RSBN1L: variants seen among roughly 807,000 people sequenced by gnomAD.
RSBN1L encodes lysine-specific demethylase RSBN1L.
A neutral mutation model predicts 67.7 loss-of-function variants in RSBN1L; 30 were observed. That is an observed-to-expected ratio of 0.44 (90% CI 0.33 to 0.60). The LOEUF (loss-of-function observed/expected upper bound fraction) is 0.60, where lower values mean the gene tolerates loss of function less well. Among genes scored for constraint, RSBN1L ranks in the 20% least tolerant of loss-of-function variants. RSBN1L has a pLI of 0.02. For synonymous variants in RSBN1L, 433 were observed against 387.0 expected (o/e 1.12, Z -1.39); for missense variants, 992 against 1,031.7 (o/e 0.96, Z 0.53).
intron 3 of RSBN1L, among the ~76,000 whole-genome samples, chr7:77,754,552 T>C (rs1028760848): frequency 1.3e-5 from 2 of 152,230 alleles, no homozygotes; most frequent in Non-Finnish European, 2.9e-5. Context: ...TTTGAGAACA[T>C]GGAAGTTTTC....
intron 1 of RSBN1L, among the ~76,000 whole-genome samples, chr7:77,727,953 G>GT (rs758726443): frequency 3.7e-4 from 57 of 152,070 alleles, no homozygotes; most frequent in Admixed American, 6.6e-4. Flanking sequence ...ATTTACTTAT[G>GT]TATCCATTGC....
chr7:77,768,190 GT>G (rs1194809677), intron 4 of RSBN1L, among the ~76,000 whole-genome samples: 1 of 152,014 alleles, frequency 6.6e-6, no homozygotes, highest in African/African-American at 2.4e-5. Context: ...TTAGTCTCTG[GT>G]TTAAGCCAAC....
At chr7:77,729,679 G>GC (rs1308278176) in intron 1 of RSBN1L, among the ~76,000 whole-genome samples, 1 of 152,190 alleles carries the variant, frequency 6.6e-6, no homozygotes, top group Non-Finnish European at 1.5e-5. Flanking sequence ...TAGGCTGGGT[G>GC]CAGTGGCTCA....
At chr7:77,705,398 A>G (rs1049511838) in intron 1 of RSBN1L, among the ~76,000 whole-genome samples, 5 of 151,434 alleles carry the variant, frequency 3.3e-5, no homozygotes, top group Non-Finnish European at 7.4e-5. Context: ...TTTCCTAGGT[A>G]CTCATATTAC....
At position 77,715,899 on chromosome 7, in the gene RSBN1L, A is replaced by G. The variant is rs150080609; in HGVS notation, c.586+18844A>G. Among the ~76,000 whole-genome samples the G allele has an allele frequency of 7.9e-5, 12 of 152,220 alleles. No individual in the cohort carries two copies. The East Asian group carries it at 2.1e-3, about 27-fold the overall frequency. On this transcript the variant is annotated intron_variant, in intron 1 of 7. Transcript: ENST00000334955. ...TTTCATGTACTTATTTTCTATATAT[A>G]TCTCTTTGATGAGTTGTCTGTTCAA...
rs1035009094 is a variant in RSBN1L, at chr7:77,770,608, G to C, written c.1625+1805G>C. 2.0e-5 allele frequency among the ~76,000 whole-genome samples: 3 copies of C among 151,934 alleles called. No individual in the cohort carries two copies. In the South Asian group the frequency reaches 6.2e-4, roughly 32 times the overall value. On this transcript the variant is annotated intron_variant, in intron 5 of 7. Coordinates refer to ENST00000334955, the MANE Select transcript of RSBN1L (RefSeq NM_198467.3). The stretch of plus-strand genomic sequence containing the variant: ...TGAGTCAAGGGCTGCTTGAGCCCAG[G>C]AGTTTGAGGCTGCAGTAAGCTATGA...
At chr7:77,705,902 CTTTT>C (rs1406393957) in intron 1 of RSBN1L, among the ~76,000 whole-genome samples, 2 of 151,638 alleles carry the variant, frequency 1.3e-5, no homozygotes, top group African/African-American at 4.8e-5. Flanking sequence ...ATAACATTTT[CTTTT>C]TTGTTTTTTT....
intron 1 of RSBN1L, among the ~76,000 whole-genome samples, chr7:77,729,384 A>G (rs1791246444): frequency 6.6e-6 from 1 of 152,326 alleles, no homozygotes. Flanking sequence ...CATGACTTTA[A>G]TAATAGTGGA....
chr7:77,769,369 A>G (rs911497118), intron 5 of RSBN1L, among the ~76,000 whole-genome samples: 1 of 152,228 alleles, frequency 6.6e-6, no homozygotes, highest in Non-Finnish European at 1.5e-5. Flanking sequence ...AGATCTAAGT[A>G]TATTGGGAAC....
At chr7:77,713,506 G>A (rs1230138849) in intron 1 of RSBN1L, among the ~76,000 whole-genome samples, 4 of 151,778 alleles carry the variant, frequency 2.6e-5, no homozygotes, top group Non-Finnish European at 2.9e-5. Flanking sequence ...ACAGGCGCCC[G>A]CCACCATGCC....
chr7:77,700,582 ACTCTC>A (rs1293353943), intron 1 of RSBN1L, among the ~76,000 whole-genome samples: 1 of 151,590 alleles, frequency 6.6e-6, no homozygotes, highest in Non-Finnish European at 1.5e-5. Context: ...TTCTAACTAC[ACTCTC>A]CTCCAGTATT....
At position 77,781,239 on chromosome 7, in the gene RSBN1L, C is replaced by A. The variant is rs1791993872; in HGVS notation, c.*2071C>A. 1 of 152,192 alleles carries A rather than the reference C, an allele frequency of 6.6e-6. No homozygotes were observed. The allele number at this position is 152,192 out of a possible 1,614,324, so 9.4% of individuals were successfully genotyped here. Reference sequence around the variant, plus strand: ...TCAGTGTTTGCAACGTAGGAAGTTTCATGGGATAGGGAAGGTATAAATCAA... The same window carrying A: ...TCAGTGTTTGCAACGTAGGAAGTTTAATGGGATAGGGAAGGTATAAATCAA... On this transcript the variant is annotated 3_prime_UTR_variant, in exon 8 of 8. Transcript: ENST00000334955.
intron 2 of RSBN1L, among the ~76,000 whole-genome samples, chr7:77,738,870 C>T (rs1791370299): frequency 1.3e-5 from 2 of 151,950 alleles, no homozygotes; most frequent in African/African-American, 4.8e-5. Flanking sequence ...ACCCAGGAGG[C>T]GGAGGTTGCG....
chr7:77,724,610 G>T (rs568270221), intron 1 of RSBN1L, among the ~76,000 whole-genome samples: 94 of 151,546 alleles, frequency 6.2e-4, no homozygotes, highest in African/African-American at 2.2e-3. Context: ...ATTTTTAGTA[G>T]AGATGGGGTT....
At chr7:77,768,510 A>T (rs1469227346) in intron 4 of RSBN1L, 151 bp from the exon 5 acceptor site, 2 of 664,134 alleles carry the variant, frequency 3.0e-6, no homozygotes, top group African/African-American at 3.6e-5. Flanking sequence ...ATATCAATAT[A>T]TAGGGATATA....
chr7:77,740,246 C>T (rs1029979138), intron 2 of RSBN1L, among the ~76,000 whole-genome samples: 18 of 152,204 alleles, frequency 1.2e-4, no homozygotes, highest in African/African-American at 3.9e-4. Flanking sequence ...TAAAGTTCAC[C>T]AACTGCTTTT....
intron 1 of RSBN1L, among the ~76,000 whole-genome samples, chr7:77,699,221 C>T (rs1158884828): frequency 6.6e-6 from 1 of 152,122 alleles, no homozygotes; most frequent in East Asian, 1.9e-4. Flanking sequence ...TTATCCACAG[C>T]TGGCTGATTG....
intron 2 of RSBN1L, 69 bp from the exon 3 acceptor site, chr7:77,749,355 A>C: frequency 8.3e-7 from 1 of 1,204,188 alleles, no homozygotes; most frequent in Non-Finnish European, 1.1e-6. Flanking sequence ...ACTTAGACAA[A>C]ACTGTTCCTA....
At chr7:77,761,361 C>G (rs1791695120) in intron 3 of RSBN1L, among the ~76,000 whole-genome samples, 1 of 152,130 alleles carries the variant, frequency 6.6e-6, no homozygotes, top group South Asian at 2.1e-4. Flanking sequence ...TTTTATGAGC[C>G]ATGGTCTTTG....
Sources: gnomAD v4.1 joint callset for allele counts (sites outside exome capture counted in the v4.1 genomes callset) on GRCh38, gnomAD v4.1.1 for gene constraint, MANE v1.5 for transcripts, NCBI Gene and HGNC (gene_info 2026-07-23, HGNC 2026-07-21) for gene names.